FRMPD4: variants seen among roughly 807,000 people sequenced by gnomAD.
FRMPD4 encodes the protein FERM and PDZ domain-containing protein 4.
FRMPD4 carries 22 observed loss-of-function variants against 94.1 expected under a neutral mutation model. The ratio of observed to expected loss-of-function variants is 0.23; its 90% CI spans 0.17 to 0.33. FRMPD4 has a LOEUF of 0.33. FRMPD4 is among the 10% of genes least tolerant of loss of function. The pLI is 1.00. For missense variants in FRMPD4, 1,111 were observed against 1,339.9 expected, an observed-to-expected ratio of 0.83 and a Z score of 2.67; for synonymous variants, 631 against 548.6, an observed-to-expected ratio of 1.15 and a Z score of -2.10.
At chrX:12,086,715 CA>C (rs1445818241) in intron 3 of FRMPD4, among the ~76,000 whole-genome samples, 1 of 111,734 alleles carries the variant, frequency 8.9e-6, no homozygotes, top group Admixed American at 9.5e-5. Context: ...CACAAGTTAC[CA>C]AAACCATAGT....
rs756698974 is a variant in FRMPD4, at chrX:11,962,018, A to G, written c.95+84000A>G. Among the ~76,000 whole-genome samples, 26 of 112,886 alleles carry G rather than the reference A, an allele frequency of 2.3e-4. 1 individual carries two copies. The highest frequency in any genetic ancestry group is 2.1e-3 in the Admixed American group (23 of 10,706). On this transcript the variant is annotated intron_variant, in intron 3 of 18. Coordinates refer to the FRMPD4 transcript ENST00000640291. ...GAGGTAGCCATTGCTAAAAGCTACT[A>G]CAACCTCTAAGGCCGAAGGACAAAA...
At chrX:12,530,480 G>A (rs2058273311) in intron 2 of FRMPD4, among the ~76,000 whole-genome samples, 1 of 111,567 alleles carries the variant, frequency 9.0e-6, no homozygotes, top group South Asian at 3.8e-4. Context: ...CAAAGGAACT[G>A]CAGAAGCAGG....
chrX:12,658,691 A>G (rs1211432064), intron 4 of FRMPD4, among the ~76,000 whole-genome samples: 1 of 109,251 alleles, frequency 9.2e-6, no homozygotes, highest in Admixed American at 9.7e-5. Flanking sequence ...TTTTTTTAGT[A>G]CTTTTTGTGC....
intron 2 of FRMPD4, among the ~76,000 whole-genome samples, chrX:12,569,000 C>T (rs1235976085): frequency 9.0e-6 from 1 of 111,374 alleles, no homozygotes; most frequent in African/African-American, 3.3e-5. Context: ...AGTAGATTAA[C>T]GTTGTCATTT....
chrX:12,405,776 A>G (rs2056659372), intron 1 of FRMPD4, among the ~76,000 whole-genome samples: 1 of 111,607 alleles, frequency 9.0e-6, no homozygotes, highest in South Asian at 3.8e-4. Context: ...TTTTTAAGGA[A>G]CTGAAGATAA....
At chrX:12,436,360 C>T (rs1044976265) in intron 1 of FRMPD4, among the ~76,000 whole-genome samples, 1 of 110,671 alleles carries the variant, frequency 9.0e-6, no homozygotes, top group African/African-American at 3.3e-5. Context: ...TTTCCTCTTT[C>T]TAGAGGTTTA....
intron 1 of FRMPD4, among the ~76,000 whole-genome samples, chrX:12,388,822 T>G (rs1312384469): frequency 1.8e-4 from 10 of 55,188 alleles, no homozygotes; most frequent in Non-Finnish European, 3.1e-4. Flanking sequence ...AAATGTGATA[T>G]ATATATATAT....
At chrX:12,105,803 G>A (rs2055292391) in intron 3 of FRMPD4, among the ~76,000 whole-genome samples, 1 of 111,935 alleles carries the variant, frequency 8.9e-6, no homozygotes, top group African/African-American at 3.2e-5. Flanking sequence ...GGTGATGACG[G>A]TACTATAGAA....
chrX:12,351,001 C>T (rs1017421288), intron 1 of FRMPD4, among the ~76,000 whole-genome samples: 12 of 111,177 alleles, frequency 1.1e-4, no homozygotes, highest in Admixed American at 2.9e-4. Flanking sequence ...TGGTGAAACC[C>T]CGTCTCTACT....
intron 3 of FRMPD4, among the ~76,000 whole-genome samples, chrX:11,897,655 C>T (rs778308699): frequency 7.1e-5 from 8 of 112,179 alleles, no homozygotes; most frequent in Non-Finnish European, 1.3e-4. Context: ...CCAAAGACTG[C>T]TTTTATTCAT....
rs1012689203 is a variant in FRMPD4 at position 12,168,524 on chromosome X, CA to C, written c.41+29513del. Among the ~76,000 whole-genome samples the C allele has an allele frequency of 3.6e-5, 4 of 110,246 alleles. No homozygotes were observed. In the Admixed American group the frequency reaches 3.9e-4, roughly 11 times the overall value. On this transcript the variant is annotated intron_variant, in intron 1 of 16. Coordinates refer to ENST00000675598, the MANE Select transcript of FRMPD4 (RefSeq NM_001368397.1). ...GATTTTTAGATGCTCCTGTTTGAAT[CA>C]GGGGAAACATTTTATTAGATAATAA...
intron 2 of FRMPD4, among the ~76,000 whole-genome samples, chrX:12,542,029 A>G (rs2058419756): frequency 8.9e-6 from 1 of 112,493 alleles, no homozygotes; most frequent in African/African-American, 3.2e-5. Flanking sequence ...GGCCTTTGAC[A>G]AAATTCAACA....
At position 12,498,743 on chromosome X, in the gene FRMPD4, G is replaced by A. The variant is rs758149225; in HGVS notation, c.105G>A (p.Pro35=). The A allele has an allele frequency of 2.8e-5, 34 of 1,200,660 alleles. No individual in the cohort carries two copies. The highest frequency in any genetic ancestry group is 8.9e-5 in the South Asian group (5 of 56,367). The change falls in exon 2 of 17, where the codon CCG becomes CCA. Residue 35 remains proline, a synonymous_variant. Coordinates refer to ENST00000675598, the MANE Select transcript of FRMPD4 (RefSeq NM_001368397.1). ...PSGTWGLSQV[P]PYGWEMTANR... The stretch of plus-strand genomic sequence containing the variant: ...GAACCTGGGGCTTGAGCCAGGTGCC[G>A]CCCTATGGATGGGAGATGACGGCAA...
chrX:12,289,523 C>G, intron 1 of FRMPD4, among the ~76,000 whole-genome samples: 1 of 111,859 alleles, frequency 8.9e-6, no homozygotes, highest in Non-Finnish European at 1.9e-5. Flanking sequence ...GAACATTTCC[C>G]TCCTCGCTGA....
chrX:11,850,940 A>G (rs2053617926), intron 1 of FRMPD4, among the ~76,000 whole-genome samples: 1 of 112,479 alleles, frequency 8.9e-6, no homozygotes, highest in African/African-American at 3.2e-5. Context: ...CACATGGTTA[A>G]GATGGTACAT....
At chrX:12,045,599 C>T (rs944018381) in intron 3 of FRMPD4, among the ~76,000 whole-genome samples, 1 of 110,991 alleles carries the variant, frequency 9.0e-6, no homozygotes, top group Non-Finnish European at 1.9e-5. Context: ...CCTGCAAGAG[C>T]CCATGTTGAG....
At chrX:12,587,989 TTTTG>T (rs1157109552) in intron 2 of FRMPD4, among the ~76,000 whole-genome samples, 3 of 111,779 alleles carry the variant, frequency 2.7e-5, no homozygotes, top group African/African-American at 6.5e-5. Context: ...ATAATTGGTT[TTTTG>T]TTTGTTTATT....
At chrX:12,558,301 G>A (rs1475055410) in intron 2 of FRMPD4, among the ~76,000 whole-genome samples, 1 of 112,615 alleles carries the variant, frequency 8.9e-6, no homozygotes, top group Non-Finnish European at 1.9e-5. Flanking sequence ...AACAATGAGG[G>A]TACATTATCT....
intron 1 of FRMPD4, among the ~76,000 whole-genome samples, chrX:12,362,486 G>A (rs187075656): frequency 2.7e-5 from 3 of 111,190 alleles, no homozygotes; most frequent in Admixed American, 9.5e-5. Context: ...GATAGTTTGC[G>A]AGAATGATGG....
Sources: allele counts gnomAD v4.1 joint callset (sites outside exome capture counted in the v4.1 genomes callset), GRCh38; gene constraint gnomAD v4.1.1; transcripts MANE v1.5; gene names NCBI Gene and HGNC (gene_info 2026-07-23, HGNC 2026-07-21).